Variants in STK3 observed in about 807,000 individuals in gnomAD.
STK3 encodes the protein serine/threonine-protein kinase 3.
Under a neutral mutation model 58.0 loss-of-function variants are expected in STK3, and 41 were observed. That is an observed-to-expected ratio of 0.71 (90% CI 0.55 to 0.92). The LOEUF (loss-of-function observed/expected upper bound fraction) is 0.92. Among genes scored for constraint, STK3 ranks in the 40% least tolerant of loss-of-function variants. The probability of loss-of-function intolerance (pLI) is 0.00; values close to 1 mark genes in which losing one functional copy is unlikely to be tolerated. For missense variants in STK3, 479 were observed against 602.7 expected (o/e 0.79, Z 2.15); for synonymous variants, 170 against 191.0 (o/e 0.89, Z 0.91).
chr8:98,440,333 T>C (rs141966415), intron 1 of STK3, among the ~76,000 whole-genome samples: 6 of 152,326 alleles, frequency 3.9e-5, no homozygotes, highest in Middle Eastern at 3.4e-3. Context: ...TTTTTAAAAA[T>C]TTATTTTCTA....
chr8:98,419,121 G>A (rs1818144560), intron 3 of STK3, among the ~76,000 whole-genome samples: 1 of 152,208 alleles, frequency 6.6e-6, no homozygotes, highest in African/African-American at 2.4e-5. Context: ...AGCACTTTGG[G>A]GGGCCGAAGC....
intron 1 of STK3, among the ~76,000 whole-genome samples, chr8:98,803,022 G>T (rs952559729): frequency 1.3e-5 from 2 of 152,166 alleles, no homozygotes; most frequent in African/African-American, 4.8e-5. Context: ...CATACTTGTT[G>T]CAGGTAAAGG....
chr8:98,713,865 G>A (rs1002731567), intron 4 of STK3, among the ~76,000 whole-genome samples: 44 of 151,874 alleles, frequency 2.9e-4, no homozygotes, highest in African/African-American at 9.2e-4. Context: ...GATGAACATC[G>A]ATGCAAAAAT....
chr8:98,448,011 AG>A (rs1819036258), intron 1 of STK3, among the ~76,000 whole-genome samples: 1 of 150,042 alleles, frequency 6.7e-6, no homozygotes, highest in Admixed American at 6.6e-5. Flanking sequence ...AAAAAAAAAA[AG>A]AACTTTAAAA....
chr8:98,507,209 T>TC (rs1407557489), intron 10 of STK3, among the ~76,000 whole-genome samples: 2 of 152,156 alleles, frequency 1.3e-5, no homozygotes, highest in African/African-American at 4.8e-5. Context: ...CCTAGAACTC[T>TC]CCCTTGAACT....
At chr8:98,628,544 C>T (rs1481575933) in intron 6 of STK3, among the ~76,000 whole-genome samples, 1 of 152,108 alleles carries the variant, frequency 6.6e-6, no homozygotes, top group Non-Finnish European at 1.5e-5. Context: ...CACCTGTAAT[C>T]CCAGCACTTT....
At chr8:98,815,374 T>C (rs555436811) in intron 1 of STK3, among the ~76,000 whole-genome samples, 1 of 152,310 alleles carries the variant, frequency 6.6e-6, no homozygotes, top group East Asian at 1.9e-4. Flanking sequence ...AATAACAGGA[T>C]ATTAGTTATT....
chr8:98,863,109 G>A (rs1021310624), intron 3 of STK3, among the ~76,000 whole-genome samples: 1 of 152,136 alleles, frequency 6.6e-6, no homozygotes, highest in Non-Finnish European at 1.5e-5. Flanking sequence ...AGGAGGATAT[G>A]GTTCCTTTTT....
chr8:98,852,851 A>G (rs1330480159), intron 3 of STK3, among the ~76,000 whole-genome samples: 1 of 152,208 alleles, frequency 6.6e-6, no homozygotes, highest in East Asian at 1.9e-4. Context: ...TTTTTTCCAG[A>G]TACACATCAT....
At chr8:98,418,216 T>C (rs566988865) in intron 3 of STK3, among the ~76,000 whole-genome samples, 2 of 152,312 alleles carry the variant, frequency 1.3e-5, no homozygotes, top group East Asian at 3.9e-4. Context: ...CCAGTTCTGA[T>C]TTTATTTTGG....
At chr8:98,423,396 G>A (rs1331008557) in intron 3 of STK3, among the ~76,000 whole-genome samples, 1 of 152,242 alleles carries the variant, frequency 6.6e-6, no homozygotes, top group Non-Finnish European at 1.5e-5. Context: ...GGAGCAAAGC[G>A]GGCATGCGGC....
chr8:98,479,489 G>C (rs143027281), intron 10 of STK3, among the ~76,000 whole-genome samples: 3 of 19,622 alleles, frequency 1.5e-4, no homozygotes, highest in Non-Finnish European at 2.4e-4. Flanking sequence ...TCCGTCTCGG[G>C]GGGGGGGGGG....
intron 8 of STK3, among the ~76,000 whole-genome samples, chr8:98,571,084 C>T (rs1812925495): frequency 6.6e-6 from 1 of 152,174 alleles, no homozygotes; most frequent in South Asian, 2.1e-4. Flanking sequence ...AATCCCAGCA[C>T]TTTGAGAGGC....
intron 10 of STK3, among the ~76,000 whole-genome samples, chr8:98,478,738 T>A (rs959142520): frequency 5.9e-5 from 9 of 152,200 alleles, no homozygotes; most frequent in Non-Finnish European, 4.4e-5. Flanking sequence ...GAAGATTACA[T>A]GAGACCACAG....
chr8:98,613,278 G>A (rs1365830203), intron 6 of STK3, among the ~76,000 whole-genome samples: 2 of 152,090 alleles, frequency 1.3e-5, no homozygotes, highest in Admixed American at 1.3e-4. Context: ...TCCAGTCTCA[G>A]AATATAATGG....
At chr8:98,461,880 G>A (rs1003826321) in intron 10 of STK3, among the ~76,000 whole-genome samples, 3 of 152,074 alleles carry the variant, frequency 2.0e-5, no homozygotes, top group Non-Finnish European at 4.4e-5. Context: ...TCCTTTACAG[G>A]TTACATAACG....
At chr8:98,621,692 A>T (rs753949226) in intron 6 of STK3, among the ~76,000 whole-genome samples, 16 of 151,848 alleles carry the variant, frequency 1.1e-4, no homozygotes, top group Non-Finnish European at 2.4e-4. Context: ...CATTACATTG[A>T]TTCAGCTGAA....
At chr8:98,549,241 ACTTCTCCACATCCTTGG>A (rs1305914330) in intron 8 of STK3, among the ~76,000 whole-genome samples, 1 of 152,148 alleles carries the variant, frequency 6.6e-6, no homozygotes, top group East Asian at 1.9e-4. Context: ...CAGGATTCCA[ACTTCTCCACATCCTTGG>A]CAACACTTGT....
intron 8 of STK3, among the ~76,000 whole-genome samples, chr8:98,569,128 G>C (rs568412468): frequency 6.6e-6 from 1 of 152,216 alleles, no homozygotes; most frequent in East Asian, 1.9e-4. Context: ...AGGAAAAAGA[G>C]CAAGGTCTTC....
Sources: allele counts gnomAD v4.1 joint callset (sites outside exome capture counted in the v4.1 genomes callset), GRCh38; gene constraint gnomAD v4.1.1; transcripts MANE v1.5; gene names NCBI Gene and HGNC (gene_info 2026-07-23, HGNC 2026-07-21).